Variants in HS3ST4 observed in about 807,000 individuals in gnomAD.
HS3ST4 encodes heparan sulfate glucosamine 3-O-sulfotransferase 4.
In HS3ST4, 17 loss-of-function variants were observed where a neutral mutation model predicts 29.2. That is an observed-to-expected ratio of 0.58 (90% confidence interval 0.40 to 0.87). The LOEUF is 0.87. Among genes scored for constraint, HS3ST4 ranks in the 40% least tolerant of loss-of-function variants. The pLI, the probability that HS3ST4 is intolerant of heterozygous loss-of-function variation, is 0.00. For synonymous variants in HS3ST4, 314 were observed against 285.7 expected, an observed-to-expected ratio of 1.10 and a Z score of -1.00; for missense variants, 627 against 634.5, an observed-to-expected ratio of 0.99 and a Z score of 0.13.
chr16:25,807,933 A>G (rs1388747004), intron 1 of HS3ST4, among the ~76,000 whole-genome samples: 5 of 150,928 alleles, frequency 3.3e-5, no homozygotes, highest in Non-Finnish European at 5.9e-5. Flanking sequence ...CTTATTTTCC[A>G]TTTTCTTTGG....
intron 1 of HS3ST4, among the ~76,000 whole-genome samples, chr16:26,081,786 CTTTTTTTTTTTT>C (rs56169806): frequency 1.2e-5 from 1 of 84,966 alleles, no homozygotes; most frequent in East Asian, 3.8e-4. Flanking sequence ...GGAGTACATT[CTTTTTTTTTTTT>C]TTTTTTTTTT....
intron 1 of HS3ST4, among the ~76,000 whole-genome samples, chr16:25,781,730 C>T (rs893988839): frequency 6.6e-6 from 1 of 152,198 alleles, no homozygotes; most frequent in Non-Finnish European, 1.5e-5. Flanking sequence ...GGACCATCCA[C>T]ACTCTACTGC....
intron 1 of HS3ST4, among the ~76,000 whole-genome samples, chr16:25,911,130 A>T (rs918760782): frequency 6.6e-6 from 1 of 152,120 alleles, no homozygotes; most frequent in African/African-American, 2.4e-5. Context: ...AGGCCCCAAA[A>T]ATTGCAGAAT....
chr16:26,115,609 G>C (rs1256702822), intron 1 of HS3ST4, among the ~76,000 whole-genome samples: 1 of 152,146 alleles, frequency 6.6e-6, no homozygotes, highest in Non-Finnish European at 1.5e-5. Flanking sequence ...AATCCGGGTA[G>C]CATATCTATC....
chr16:25,954,971 G>A (rs1358211686), intron 1 of HS3ST4, among the ~76,000 whole-genome samples: 1 of 152,202 alleles, frequency 6.6e-6, no homozygotes, highest in Non-Finnish European at 1.5e-5. Flanking sequence ...AACATGAAGA[G>A]CTGAGTTAGA....
At chr16:25,997,069 G>A (rs1353352201) in intron 1 of HS3ST4, among the ~76,000 whole-genome samples, 1 of 151,958 alleles carries the variant, frequency 6.6e-6, no homozygotes, top group Non-Finnish European at 1.5e-5. Flanking sequence ...ATTGATTTTT[G>A]TACATTTATC....
intron 1 of HS3ST4, among the ~76,000 whole-genome samples, chr16:25,840,234 G>A (rs1309232658): frequency 1.3e-5 from 2 of 152,188 alleles, no homozygotes; most frequent in African/African-American, 4.8e-5. Flanking sequence ...TGACATAAAT[G>A]TCCCAAAAAT....
At chr16:25,798,449 G>A (rs1966902109) in intron 1 of HS3ST4, among the ~76,000 whole-genome samples, 1 of 152,182 alleles carries the variant, frequency 6.6e-6, no homozygotes, top group African/African-American at 2.4e-5. Flanking sequence ...GGATGTTAAT[G>A]ATTTTATGAC....
chr16:25,926,845 A>G (rs981416518), intron 1 of HS3ST4, among the ~76,000 whole-genome samples: 5 of 152,236 alleles, frequency 3.3e-5, no homozygotes, highest in East Asian at 3.9e-4. Context: ...TGGTTTTCCT[A>G]TGATCTCAGT....
At chr16:25,768,577 C>T (rs1447409159) in intron 1 of HS3ST4, among the ~76,000 whole-genome samples, 1 of 152,162 alleles carries the variant, frequency 6.6e-6, no homozygotes, top group Non-Finnish European at 1.5e-5. Context: ...TGGAGTGGAA[C>T]AGGGCCTGCC....
chr16:26,085,107 C>T (rs1038603095), intron 1 of HS3ST4, among the ~76,000 whole-genome samples: 15 of 152,198 alleles, frequency 9.9e-5, no homozygotes, highest in African/African-American at 3.4e-4. Context: ...TTTTGCTCAA[C>T]CGGCTTTCTG....
chr16:25,967,446 G>A lies in HS3ST4; in HGVS notation c.735-168166G>A, dbSNP rs564065433. Among the ~76,000 whole-genome samples, 16 of 152,244 alleles carry A rather than the reference G, an allele frequency of 1.1e-4. No homozygotes were observed. The South Asian group carries it at 3.3e-3, about 32-fold the overall frequency. ...TGGAATTACAGGCGTGAGCCACCGC[G>A]CCTGGCCTAATTCTTATTTTAAATT... is the stretch of plus-strand genomic sequence containing the variant. On this transcript the variant is annotated intron_variant, in intron 1 of 1. Coordinates refer to ENST00000331351, the MANE Select transcript of HS3ST4 (RefSeq NM_006040.3).
At chr16:25,777,224 A>G (rs918530997) in intron 1 of HS3ST4, among the ~76,000 whole-genome samples, 2 of 152,062 alleles carry the variant, frequency 1.3e-5, no homozygotes, top group African/African-American at 2.4e-5. Flanking sequence ...AACATTGCCT[A>G]TCCTCCTTAT....
intron 1 of HS3ST4, among the ~76,000 whole-genome samples, chr16:26,052,674 A>G (rs1224213011): frequency 6.6e-6 from 1 of 152,168 alleles, no homozygotes; most frequent in Non-Finnish European, 1.5e-5. Context: ...CCTGATTCCC[A>G]TGTATACATG....
At chr16:25,886,359 C>T (rs1967952630) in intron 1 of HS3ST4, among the ~76,000 whole-genome samples, 1 of 152,128 alleles carries the variant, frequency 6.6e-6, no homozygotes, top group Non-Finnish European at 1.5e-5. Context: ...ATATCACCTA[C>T]TGCAGTGTTT....
chr16:25,895,045 G>A (rs1294745235), intron 1 of HS3ST4, among the ~76,000 whole-genome samples: 1 of 152,170 alleles, frequency 6.6e-6, no homozygotes, highest in Non-Finnish European at 1.5e-5. Context: ...GCAAGGAAGT[G>A]TGATGAGAGT....
chr16:25,897,967 A>G (rs1193289920), intron 1 of HS3ST4, among the ~76,000 whole-genome samples: 1 of 151,930 alleles, frequency 6.6e-6, no homozygotes, highest in Non-Finnish European at 1.5e-5. Context: ...GGGGATTTTT[A>G]TGTGTGTGTG....
intron 1 of HS3ST4, among the ~76,000 whole-genome samples, chr16:26,023,156 A>G (rs940509395): frequency 6.6e-5 from 10 of 152,092 alleles, no homozygotes; most frequent in African/African-American, 2.4e-4. Flanking sequence ...TCATGTTTTT[A>G]AAGCATCGTA....
chr16:25,712,486 A>G (rs1307873523), intron 1 of HS3ST4, among the ~76,000 whole-genome samples: 1 of 152,116 alleles, frequency 6.6e-6, no homozygotes, highest in East Asian at 1.9e-4. Context: ...ATGCCACTGC[A>G]CTCCAGCCTG....
Sources: allele counts gnomAD v4.1 joint callset (sites outside exome capture counted in the v4.1 genomes callset), GRCh38; gene constraint gnomAD v4.1.1; transcripts MANE v1.5; gene names NCBI Gene and HGNC (gene_info 2026-07-23, HGNC 2026-07-21).